The following TRPC4 variants were observed in gnomAD, a reference collection of about 807,000 sequenced individuals.
TRPC4 encodes the protein short transient receptor potential channel 4.
TRPC4 carries 49 observed loss-of-function variants against 99.4 expected under a neutral mutation model. The ratio of observed to expected loss-of-function variants is 0.49; its 90% CI spans 0.39 to 0.63. The LOEUF (loss-of-function observed/expected upper bound fraction) is 0.63. Ranked by LOEUF, TRPC4 falls within the 20% of genes least tolerant of loss-of-function variation. The pLI, the probability that TRPC4 is intolerant of heterozygous loss-of-function variation, is 0.00. For synonymous variants in TRPC4, 454 were observed against 425.9 expected (o/e 1.07, Z -0.81); for missense variants, 898 against 1,152.9 (o/e 0.78, Z 3.20).
intron 1 of TRPC4, among the ~76,000 whole-genome samples, chr13:37,785,983 A>G (rs1456273906): frequency 6.6e-6 from 1 of 152,098 alleles, no homozygotes; most frequent in Non-Finnish European, 1.5e-5. Context: ...TTTAGTCAGC[A>G]CTGTAATTAA....
At position 37,783,100 on chromosome 13, in the gene TRPC4, A is replaced by T; in HGVS notation, c.234T>A (p.Ile78=). 6.2e-7 allele frequency: 1 copy of T among 1,613,472 alleles called. No individual in the cohort carries two copies. The highest frequency in any genetic ancestry group is 2.2e-5 in the East Asian group (1 of 44,760). ...PLGRTALLIA[I]ENENLELIEL... ...CGATGAGCTCCAAGTTCTCATTTTC[A>T]ATTGCAATGAGGAGAGCAGTTCTTC... is the stretch of plus-strand genomic sequence containing the variant. Residue 78 remains isoleucine, a synonymous_variant, in exon 2 of 11, where the codon ATT becomes ATA. Coordinates refer to ENST00000379705, the MANE Select transcript of TRPC4 (RefSeq NM_016179.4).
chr13:37,838,099 A>T (rs1170599668), intron 1 of TRPC4, among the ~76,000 whole-genome samples: 1 of 152,198 alleles, frequency 6.6e-6, no homozygotes, highest in Non-Finnish European at 1.5e-5. Context: ...CCGTAAGTCC[A>T]TTAAACCTAC....
intron 1 of TRPC4, among the ~76,000 whole-genome samples, chr13:37,800,274 G>T (rs1157882854): frequency 1.3e-5 from 2 of 152,008 alleles, no homozygotes; most frequent in South Asian, 2.1e-4. Flanking sequence ...ATTAATCATG[G>T]TCCTCCACAG....
chr13:37,775,677 C>T (rs1956680075), intron 2 of TRPC4, among the ~76,000 whole-genome samples: 1 of 151,696 alleles, frequency 6.6e-6, no homozygotes, highest in Non-Finnish European at 1.5e-5. Flanking sequence ...GACTACATGA[C>T]TCAGTTTCTC....
chr13:37,779,238 A>G (rs554090069), intron 2 of TRPC4, among the ~76,000 whole-genome samples: 7 of 152,232 alleles, frequency 4.6e-5, no homozygotes, highest in Non-Finnish European at 8.8e-5. Flanking sequence ...CAATGGACTG[A>G]AATGAGGGTT....
chr13:37,753,669 A>T (rs1195160701), intron 2 of TRPC4, among the ~76,000 whole-genome samples: 2 of 152,066 alleles, frequency 1.3e-5, no homozygotes, highest in Non-Finnish European at 2.9e-5. Flanking sequence ...CATATCAGAG[A>T]AGAAGAGATC....
intron 2 of TRPC4, among the ~76,000 whole-genome samples, chr13:37,763,680 G>C (rs895963704): frequency 6.6e-6 from 1 of 151,680 alleles, no homozygotes; most frequent in African/African-American, 2.4e-5. Context: ...AATTTTACCA[G>C]ATAATATTAC....
intron 1 of TRPC4, among the ~76,000 whole-genome samples, chr13:37,858,874 C>T (rs1421173289): frequency 2.0e-5 from 3 of 151,202 alleles, no homozygotes; most frequent in African/African-American, 4.8e-5. Flanking sequence ...TTTGATATCA[C>T]AACTGTGACT....
At chr13:37,701,112 A>G (rs1436347264) in intron 3 of TRPC4, among the ~76,000 whole-genome samples, 2 of 152,296 alleles carry the variant, frequency 1.3e-5, no homozygotes, top group East Asian at 3.9e-4. Context: ...CAGAGCTGGC[A>G]ACTGCACAAA....
intron 4 of TRPC4, among the ~76,000 whole-genome samples, chr13:37,676,923 G>GTATA (rs58968838): frequency 3.5e-4 from 52 of 150,702 alleles, no homozygotes; most frequent in African/African-American, 6.8e-4. Context: ...AAATGTGTGT[G>GTATA]TATATATATA....
intron 8 of TRPC4, among the ~76,000 whole-genome samples, chr13:37,643,439 A>T (rs139175886): frequency 8.5e-5 from 13 of 152,310 alleles, no homozygotes; most frequent in Admixed American, 2.0e-4. Flanking sequence ...ACAGGGGAGA[A>T]GGAGGTAATA....
chr13:37,724,300 C>A (rs895976222), intron 3 of TRPC4, among the ~76,000 whole-genome samples: 1 of 152,056 alleles, frequency 6.6e-6, no homozygotes, highest in Non-Finnish European at 1.5e-5. Flanking sequence ...CACGTGGATG[C>A]AGATATCTGG....
intron 1 of TRPC4, among the ~76,000 whole-genome samples, chr13:37,812,188 A>AAAAAAAAAAAAC (rs1414963765): frequency 6.8e-6 from 1 of 147,948 alleles, no homozygotes; most frequent in African/African-American, 2.5e-5. Flanking sequence ...AAAAAAAAAA[A>AAAAAAAAAAAAC]AAAAAAACCA....
intron 2 of TRPC4, among the ~76,000 whole-genome samples, chr13:37,771,911 G>T (rs1956559500): frequency 6.6e-6 from 1 of 151,678 alleles, no homozygotes; most frequent in South Asian, 2.1e-4. Context: ...AATGCTTCAA[G>T]AGTATATAGC....
chr13:37,799,229 C>A (rs538051307), intron 1 of TRPC4, among the ~76,000 whole-genome samples: 18 of 152,116 alleles, frequency 1.2e-4, no homozygotes, highest in African/African-American at 4.1e-4. Flanking sequence ...CCACTGCGCC[C>A]GGCCTAAAGG....
At chr13:37,828,144 G>A (rs984503983) in intron 1 of TRPC4, among the ~76,000 whole-genome samples, 16 of 152,270 alleles carry the variant, frequency 1.1e-4, no homozygotes, top group Admixed American at 3.9e-4. Context: ...CGCATGGTGC[G>A]AGCACCCACT....
At chr13:37,704,590 C>T (rs1183521366) in intron 3 of TRPC4, among the ~76,000 whole-genome samples, 1 of 151,980 alleles carries the variant, frequency 6.6e-6, no homozygotes, top group African/African-American at 2.4e-5. Context: ...GAGGTGAGAT[C>T]GTGCCACTGC....
chr13:37,868,962 C>T (rs1055549073), intron 1 of TRPC4, among the ~76,000 whole-genome samples: 3 of 152,110 alleles, frequency 2.0e-5, no homozygotes, highest in East Asian at 1.9e-4. Context: ...AACCAAGTAG[C>T]AAACCGGGTC....
At chr13:37,865,801 C>T (rs551699271) in intron 1 of TRPC4, among the ~76,000 whole-genome samples, 1 of 151,666 alleles carries the variant, frequency 6.6e-6, no homozygotes, top group African/African-American at 2.4e-5. Context: ...TACTTCAAAT[C>T]CTGCCTTCCC....
Sources: allele counts gnomAD v4.1 joint callset (sites outside exome capture counted in the v4.1 genomes callset), GRCh38; gene constraint gnomAD v4.1.1; transcripts MANE v1.5; gene names NCBI Gene and HGNC (gene_info 2026-07-23, HGNC 2026-07-21).